Variants in PLXNC1 observed in about 807,000 individuals in gnomAD.
The protein encoded by PLXNC1 is plexin C1, also known as plexin-C1.
In PLXNC1, 75 loss-of-function variants were observed where a neutral mutation model predicts 178.2. The ratio of observed to expected loss-of-function variants is 0.42; its 90% CI spans 0.35 to 0.51. The LOEUF is 0.51. Ranked by LOEUF, PLXNC1 falls within the 20% of genes least tolerant of loss-of-function variation. The pLI is 0.02. For synonymous variants in PLXNC1, 790 were observed against 779.9 expected, an observed-to-expected ratio of 1.01 and a Z score of -0.22; for missense variants, 1,503 against 1,984.4, an observed-to-expected ratio of 0.76 and a Z score of 4.61.
At chr12:94,208,074 C>T (rs1363845097) in intron 4 of PLXNC1, among the ~76,000 whole-genome samples, 8 of 152,234 alleles carry the variant, frequency 5.3e-5, no homozygotes, top group Admixed American at 2.6e-4. Flanking sequence ...GTGCTTGTCT[C>T]TCCGTTGCAA....
At chr12:94,304,868 G>A (rs1298963936) in intron 30 of PLXNC1, among the ~76,000 whole-genome samples, 2 of 152,218 alleles carry the variant, frequency 1.3e-5, no homozygotes, top group Non-Finnish European at 2.9e-5. Flanking sequence ...CCTGCATGTT[G>A]GCTGCCCAGG....
At chr12:94,263,775 A>G (rs2136085574) in intron 20 of PLXNC1, among the ~76,000 whole-genome samples, 1 of 152,300 alleles carries the variant, frequency 6.6e-6, no homozygotes, top group Admixed American at 6.5e-5. Context: ...CCTGCACTGA[A>G]GAGGAGACTC....
chr12:94,161,098 A>G (rs1375216810), intron 1 of PLXNC1, among the ~76,000 whole-genome samples: 1 of 151,832 alleles, frequency 6.6e-6, no homozygotes, highest in African/African-American at 2.4e-5. Flanking sequence ...TTTTTTTTTC[A>G]TCCAGTTTCA....
At chr12:94,177,979 A>T (rs747520301) in intron 2 of PLXNC1, among the ~76,000 whole-genome samples, 1 of 152,224 alleles carries the variant, frequency 6.6e-6, no homozygotes, top group Non-Finnish European at 1.5e-5. Flanking sequence ...CAGCTAATAA[A>T]ATTATCAGTC....
chr12:94,185,523 GCTGC>G (rs1296067489), intron 3 of PLXNC1, among the ~76,000 whole-genome samples: 2 of 152,224 alleles, frequency 1.3e-5, no homozygotes, highest in African/African-American at 4.8e-5. Context: ...GCTCTGACTG[GCTGC>G]CTAGATGTCT....
chr12:94,173,296 C>T (rs536879282), intron 2 of PLXNC1, among the ~76,000 whole-genome samples: 1 of 152,168 alleles, frequency 6.6e-6, no homozygotes, highest in African/African-American at 2.4e-5. Context: ...CTCTGTTGCC[C>T]ATAGAAAATT....
intron 11 of PLXNC1, among the ~76,000 whole-genome samples, chr12:94,241,729 G>A (rs1344409703): frequency 6.6e-6 from 1 of 152,168 alleles, no homozygotes; most frequent in African/African-American, 2.4e-5. Context: ...ACTCCATTGT[G>A]TATAGGTACC....
At chr12:94,243,910 C>A (rs748348793) in intron 11 of PLXNC1, 28 bp from the exon 12 acceptor site, 9 of 1,206,754 alleles carry the variant, frequency 7.5e-6, no homozygotes, top group South Asian at 1.4e-5. Context: ...AGCTATGAAA[C>A]CCTTATTGTT....
At chr12:94,243,906 G>A (rs777034076) in intron 11 of PLXNC1, 32 bp from the exon 12 acceptor site, 32 of 1,150,530 alleles carry the variant, frequency 2.8e-5, no homozygotes, top group Middle Eastern at 2.0e-4. Context: ...TGTTAGCTAT[G>A]AAACCCTTAT....
At chr12:94,283,274 A>G (rs1005332741) in intron 23 of PLXNC1, among the ~76,000 whole-genome samples, 2 of 152,118 alleles carry the variant, frequency 1.3e-5, no homozygotes, top group Admixed American at 1.3e-4. Context: ...AAACAATGAG[A>G]ATTTAGCCAG....
At position 94,305,711 on chromosome 12, in the gene PLXNC1, A is replaced by T. The variant is rs1449829140; in HGVS notation, c.*426A>T. On this transcript the variant is annotated 3_prime_UTR_variant, in exon 31 of 31. Coordinates refer to ENST00000258526, the MANE Select transcript of PLXNC1 (RefSeq NM_005761.3). Reference sequence around the variant, plus strand: ...CTCAAAACAAAATGTGAAATGAGTCATTTGGAAACAAGGTGGGGGTGTTAG... The same window carrying T: ...CTCAAAACAAAATGTGAAATGAGTCTTTTGGAAACAAGGTGGGGGTGTTAG... 3 of 153,938 alleles carry T rather than the reference A, an allele frequency of 1.9e-5. No homozygotes were observed. Among genetic ancestry groups the T allele is most frequent in the African/African-American group, 7.2e-5 (3 of 41,512 alleles). The allele number at this position is 153,938 out of a possible 1,614,324, so 9.5% of individuals were successfully genotyped here. A position where few individuals can be genotyped will look rare whatever the true frequency, so the allele number is the denominator to read the frequency against.
intron 21 of PLXNC1, among the ~76,000 whole-genome samples, chr12:94,269,885 A>G (rs1965469693): frequency 6.6e-6 from 1 of 152,240 alleles, no homozygotes; most frequent in African/African-American, 2.4e-5. Flanking sequence ...TAGGTAAGTC[A>G]TTCCCTCGTT....
chr12:94,149,400 C>T lies in PLXNC1; in HGVS notation c.429C>T (p.Ser143=). 1 of 1,433,540 alleles carries T rather than the reference C, an allele frequency of 7.0e-7. No homozygotes were observed. Among genetic ancestry groups the T allele is most frequent in the South Asian group, 1.5e-5 (1 of 67,656 alleles). The allele number at this position is 1,433,540 out of a possible 1,614,324, so 88.8% of individuals were successfully genotyped here. The change falls in exon 1 of 31, where the codon AGC becomes AGT. Residue 143 remains serine, a synonymous_variant. Transcript: ENST00000258526. The stretch of plus-strand genomic sequence containing the variant: ...AGGTGCGGCCCCTGGGCAACCTGAG[C>T]CGCAACTCCCTGCGCAACGGCACCG... The part of the protein sequence containing the change: ...ACEVRPLGNL[S]RNSLRNGTEV...
intron 15 of PLXNC1, among the ~76,000 whole-genome samples, chr12:94,252,928 T>G (rs1334392268): frequency 6.6e-6 from 1 of 152,192 alleles, no homozygotes; most frequent in Non-Finnish European, 1.5e-5. Flanking sequence ...CAAATAGCAC[T>G]TTGGCTGGGC....
At position 94,253,135 on chromosome 12, in the gene PLXNC1, C is replaced by T. The variant is rs750974382; in HGVS notation, c.2881+1607C>T. Among the ~76,000 whole-genome samples, 21 of 135,570 alleles carry T rather than the reference C, an allele frequency of 1.5e-4. No individual in the cohort carries two copies. In the Admixed American group the frequency reaches 1.6e-3, roughly 10 times the overall value. 88.9% of individuals were successfully genotyped at this position (135,570 alleles called of 152,430 possible). A position where few individuals can be genotyped will look rare whatever the true frequency, so the allele number is the denominator to read the frequency against. ...CTGAGGCAGGAAAATCATTTGAACCCGGGAGCTGGAGGTTGCAGTGAGCCG... is the reference window on the plus strand; with the variant it reads ...CTGAGGCAGGAAAATCATTTGAACCTGGGAGCTGGAGGTTGCAGTGAGCCG... On this transcript the variant is annotated intron_variant, in intron 15 of 30. Transcript: ENST00000258526.
intron 21 of PLXNC1, among the ~76,000 whole-genome samples, chr12:94,275,992 A>G (rs12423384): frequency 0.18 from 27,306 of 151,868 alleles, 2,640 homozygotes; most frequent in Admixed American, 0.24. Flanking sequence ...ATGCCATTTT[A>G]CCTCTTTTCC....
At chr12:94,278,901 G>T (rs1310858375) in intron 21 of PLXNC1, among the ~76,000 whole-genome samples, 1 of 152,152 alleles carries the variant, frequency 6.6e-6, no homozygotes, top group East Asian at 1.9e-4. Context: ...GGGAGGCTGA[G>T]GCAGGAGAAT....
At position 94,260,354 on chromosome 12, in the gene PLXNC1, G is replaced by A. The variant is rs772695387; in HGVS notation, c.3252-288G>A. Among the ~76,000 whole-genome samples the A allele has an allele frequency of 5.3e-5, 8 of 151,878 alleles. No individual in the cohort carries two copies. The highest frequency in any genetic ancestry group is 8.8e-5 in the Non-Finnish European group (6 of 67,980). ...ATTATAGGCGTGAACCACCATGCCC[G>A]GCCCATAAATTCTTAATAAAAAAAG... On this transcript the variant is annotated intron_variant, in intron 19 of 30. Transcript: ENST00000258526. This position sits in a 1 kb window ranked among gnomAD's most constrained non-coding sequence, Gnocchi z 4.4.
intron 11 of PLXNC1, among the ~76,000 whole-genome samples, chr12:94,243,720 A>G (rs557423435): frequency 9.2e-5 from 14 of 152,318 alleles, no homozygotes; most frequent in African/African-American, 2.6e-4. Context: ...TCTGACCTGA[A>G]TTTTTATATT....
Sources: gnomAD v4.1 joint callset for allele counts (sites outside exome capture counted in the v4.1 genomes callset) on GRCh38, gnomAD v4.1.1 for gene constraint, Gnocchi (gnomAD v3.1) non-coding constraint, MANE v1.5 for transcripts, NCBI Gene and HGNC (gene_info 2026-07-23, HGNC 2026-07-21) for gene names.